NUP62CL: variants seen among roughly 807,000 people sequenced by gnomAD.
NUP62CL encodes the protein nucleoporin-62 C-terminal-like protein.
In NUP62CL, 13 loss-of-function variants were observed where a neutral mutation model predicts 15.3. That is an observed-to-expected ratio of 0.85 (90% CI 0.55 to 1.35). NUP62CL has a LOEUF of 1.35. Ranked by LOEUF, NUP62CL falls within the 40% of genes most tolerant of loss-of-function variation. The probability of loss-of-function intolerance (pLI) is 0.00; values close to 1 mark genes in which losing one functional copy is unlikely to be tolerated. For missense variants in NUP62CL, 123 were observed against 130.6 expected, an observed-to-expected ratio of 0.94 and a Z score of 0.28; for synonymous variants, 54 against 49.2, an observed-to-expected ratio of 1.10 and a Z score of -0.41.
intron 2 of NUP62CL, among the ~76,000 whole-genome samples, chrX:107,176,357 G>A (rs977793473): frequency 3.6e-5 from 4 of 111,459 alleles, no homozygotes; most frequent in African/African-American, 1.3e-4. Flanking sequence ...ACTGATGTAC[G>A]CTACAACATG....
intron 4 of NUP62CL, among the ~76,000 whole-genome samples, chrX:107,157,422 C>T (rs1236707481): frequency 1.0e-4 from 11 of 107,290 alleles, no homozygotes; most frequent in African/African-American, 2.7e-4. Flanking sequence ...AGACTAACAG[C>T]GGATCTCTCA....
chrX:107,198,878 G>A (rs1927420807), intron 1 of NUP62CL, among the ~76,000 whole-genome samples: 1 of 112,385 alleles, frequency 8.9e-6, no homozygotes, highest in Non-Finnish European at 1.9e-5. Flanking sequence ...AACCAATTCT[G>A]GACACACTAT....
At chrX:107,138,797 G>A (rs1396461414) in intron 8 of NUP62CL, among the ~76,000 whole-genome samples, 1 of 111,877 alleles carries the variant, frequency 8.9e-6, no homozygotes, top group Non-Finnish European at 1.9e-5. Context: ...TTGTATTCTT[G>A]GATATCTATC....
intron 3 of NUP62CL, among the ~76,000 whole-genome samples, chrX:107,172,063 C>T (rs1027550208): frequency 9.2e-6 from 1 of 108,898 alleles, no homozygotes; most frequent in Non-Finnish European, 1.9e-5. Context: ...GTGCCTCAAG[C>T]CTACAAGCTG....
chrX:107,202,009 A>G (rs1428171852), intron 1 of NUP62CL, among the ~76,000 whole-genome samples: 1 of 112,046 alleles, frequency 8.9e-6, no homozygotes, highest in Non-Finnish European at 1.9e-5. Context: ...ACAAAACAAT[A>G]TATTACAAAT....
At chrX:107,140,184 G>A (rs768656156) in intron 8 of NUP62CL, among the ~76,000 whole-genome samples, 1 of 111,746 alleles carries the variant, frequency 8.9e-6, no homozygotes, top group South Asian at 3.8e-4. Flanking sequence ...CTGAATTCAT[G>A]GAGGCAGAGG....
At chrX:107,155,920 C>A (rs995231059) in intron 4 of NUP62CL, among the ~76,000 whole-genome samples, 1 of 112,056 alleles carries the variant, frequency 8.9e-6, no homozygotes, top group Non-Finnish European at 1.9e-5. Flanking sequence ...CCAGTGGGTG[C>A]GCGCACCGTG....
intron 8 of NUP62CL, among the ~76,000 whole-genome samples, chrX:107,139,864 T>C (rs1327851916): frequency 1.8e-5 from 2 of 111,695 alleles, no homozygotes; most frequent in African/African-American, 6.5e-5. Flanking sequence ...GGGAAGAGGA[T>C]GAAAGAGAGA....
chrX:107,161,451 C>T (rs1354792503), intron 4 of NUP62CL, among the ~76,000 whole-genome samples: 1 of 83,882 alleles, frequency 1.2e-5, no homozygotes, highest in Admixed American at 1.4e-4. Flanking sequence ...ACTATGCAGC[C>T]ATAAAAAATG....
chrX:107,178,921 G>A (rs1034645940), intron 2 of NUP62CL, among the ~76,000 whole-genome samples: 4 of 108,642 alleles, frequency 3.7e-5, no homozygotes, highest in East Asian at 5.8e-4. Flanking sequence ...GTGAAACCCC[G>A]TCTCTACTAA....
At chrX:107,201,889 G>A (rs775099761) in intron 1 of NUP62CL, among the ~76,000 whole-genome samples, 21 of 111,326 alleles carry the variant, frequency 1.9e-4, no homozygotes, top group Non-Finnish European at 3.6e-4. Context: ...AATGAGCCAA[G>A]ATCACGTGGC....
intron 2 of NUP62CL, among the ~76,000 whole-genome samples, chrX:107,190,568 A>G (rs941618511): frequency 1.8e-5 from 2 of 111,830 alleles, no homozygotes; most frequent in Admixed American, 1.9e-4. Flanking sequence ...CCCTATATTC[A>G]TCAATAACAC....
Position 107,154,207 on chromosome X carries a change from C to T in NUP62CL, c.234G>A (p.Glu78=), listed in dbSNP as rs1433005905. 3 of 1,203,721 alleles carry T rather than the reference C, an allele frequency of 2.5e-6. No homozygotes were observed. Among genetic ancestry groups the T allele is most frequent in the African/African-American group, 3.5e-5 (2 of 56,809 alleles). Residue 78 remains glutamate (E), a synonymous_variant, in exon 5 of 9, where the codon GAG becomes GAA. Coordinates refer to ENST00000372466, the MANE Select transcript of NUP62CL (RefSeq NM_017681.3). The part of the protein sequence containing the change: ...ATPVMTYGHL[E]GLINEWNLEL... The stretch of plus-strand genomic sequence containing the variant: ...CAAGGTTCCACTCATTTATAAGACC[C>T]TCCAGATGACCATATGTCATCACAG...
intron 2 of NUP62CL, among the ~76,000 whole-genome samples, chrX:107,191,586 T>G (rs1927242984): frequency 9.1e-6 from 1 of 110,404 alleles, no homozygotes; most frequent in Non-Finnish European, 1.9e-5. Flanking sequence ...CGCATGCCTG[T>G]AATCCCAGCT....
intron 4 of NUP62CL, among the ~76,000 whole-genome samples, chrX:107,161,828 A>T (rs1294136): frequency 0.056 from 4,898 of 87,600 alleles, 365 homozygotes; most frequent in African/African-American, 0.24. Context: ...ATTTAAAAAA[A>T]ATGAAAAAAA....
intron 8 of NUP62CL, among the ~76,000 whole-genome samples, chrX:107,131,324 T>C (rs1196243085): frequency 9.0e-6 from 1 of 111,361 alleles, no homozygotes; most frequent in Non-Finnish European, 1.9e-5. Flanking sequence ...CCTGAGTAAA[T>C]AGCAGCAGTC....
chrX:107,131,642 G>A (rs1925520100), intron 8 of NUP62CL: 3 of 554,961 alleles, frequency 5.4e-6, no homozygotes, highest in East Asian at 3.4e-5. Flanking sequence ...GACCAAGGCC[G>A]CGGCCGACTA....
Position 107,124,200 on chromosome X carries a change from G to A in NUP62CL, c.*175C>T, listed in dbSNP as rs763587232. On this transcript the variant is annotated 3_prime_UTR_variant, in exon 9 of 9. Coordinates refer to ENST00000372466, the MANE Select transcript of NUP62CL (RefSeq NM_017681.3). ...CTCTATTTAACATCAGAATTTGTAG[G>A]TAATAATCCAGAAACGACATGCTGA... 17 of 330,155 alleles carry A rather than the reference G, an allele frequency of 5.1e-5. No individual in the cohort carries two copies. The highest frequency in any genetic ancestry group is 4.3e-4 in the African/African-American group (16 of 37,296). 27.2% of individuals were successfully genotyped at this position (330,155 alleles called of 1,213,427 possible).
At chrX:107,136,699 T>C (rs1925646173) in intron 8 of NUP62CL, among the ~76,000 whole-genome samples, 1 of 112,431 alleles carries the variant, frequency 8.9e-6, no homozygotes, top group South Asian at 3.6e-4. Context: ...TTGGCTACAA[T>C]GTATAAAAGG....
Sources: gnomAD v4.1 joint callset for allele counts (sites outside exome capture counted in the v4.1 genomes callset) on GRCh38, gnomAD v4.1.1 for gene constraint, MANE v1.5 for transcripts, NCBI Gene and HGNC (gene_info 2026-07-23, HGNC 2026-07-21) for gene names.